PPP2R3C: variants seen among roughly 807,000 people sequenced by gnomAD.
The protein encoded by PPP2R3C is protein phosphatase 2 regulatory subunit B''gamma.
In PPP2R3C, 47 loss-of-function variants were observed where a neutral mutation model predicts 63.7. The ratio of observed to expected loss-of-function variants is 0.74; its 90% CI spans 0.58 to 0.94. The LOEUF is 0.94. Ranked by LOEUF, PPP2R3C falls within the 40% of genes least tolerant of loss-of-function variation. The pLI is 0.00. For synonymous variants in PPP2R3C, 180 were observed against 177.4 expected, an observed-to-expected ratio of 1.01 and a Z score of -0.12; for missense variants, 421 against 518.4, an observed-to-expected ratio of 0.81 and a Z score of 1.82.
intron 5 of PPP2R3C, chr14:35,107,792 A>G (rs17103047): frequency 0.09 from 33,288 of 370,508 alleles, 1,874 homozygotes; most frequent in African/African-American, 0.2. Context: ...CTTGAAACTG[A>G]TATTACAGCT....
At chr14:35,113,831 C>T (rs977674832) in intron 2 of PPP2R3C, among the ~76,000 whole-genome samples, 6 of 152,112 alleles carry the variant, frequency 3.9e-5, no homozygotes, top group African/African-American at 1.4e-4. Flanking sequence ...ACCTGCATAC[C>T]CTACCTGATC....
At chr14:35,113,068 T>C (rs964378497) in intron 2 of PPP2R3C, 3 of 152,292 alleles carry the variant, frequency 2.0e-5, no homozygotes, top group African/African-American at 7.2e-5. Flanking sequence ...CAGGATCTCT[T>C]GAAGGCTGTG....
chr14:35,121,632 G>A (rs553797407), intron 1 of PPP2R3C, among the ~76,000 whole-genome samples: 3 of 152,316 alleles, frequency 2.0e-5, no homozygotes, highest in East Asian at 1.9e-4. Context: ...TGTTGGAGCC[G>A]GGGTTCCAAG....
chr14:35,101,660 G>A (rs559382379), intron 6 of PPP2R3C: 113 of 152,254 alleles, frequency 7.4e-4, no homozygotes, highest in African/African-American at 2.7e-3. Context: ...GGGAAAAATG[G>A]CAACTTAGTG....
At chr14:35,091,234 A>T in intron 10 of PPP2R3C, 27 bp from the exon 11 acceptor site, 3 of 1,562,096 alleles carry the variant, frequency 1.9e-6, no homozygotes, top group Non-Finnish European at 2.6e-6. Context: ...AATGTTCATT[A>T]GAGGCCTTAG....
At position 35,116,665 on chromosome 14, in the gene PPP2R3C, C is replaced by G; in HGVS notation, c.131G>C (p.Gly44Ala). 2.5e-6 allele frequency: 4 copies of G among 1,600,724 alleles called. No individual in the cohort carries two copies. The highest frequency in any genetic ancestry group is 3.4e-6 in the Non-Finnish European group (4 of 1,170,458). ...LFTKYYSEWK[G>A]GRKNTNEFYK... ...GAATTCATTTGTGTTTTTTCTACCT[C>G]CTTTCCATTCGGAGTAATATTTTGT... is the stretch of plus-strand genomic sequence containing the variant. The change falls in exon 2 of 13, where the codon GGA becomes GCA. Residue 44 changes from glycine to alanine, a missense_variant. Gly to Ala is a moderately conservative substitution (Grantham distance 60). Transcript: ENST00000261475.
chr14:35,095,277 T>C, intron 9 of PPP2R3C, 93 bp from the exon 10 acceptor site: 2 of 1,294,544 alleles, frequency 1.5e-6, no homozygotes, highest in Admixed American at 2.2e-5. Flanking sequence ...GGTTAATATT[T>C]TGATTTTCAA....
chr14:35,103,999 A>G (rs1308943025), intron 6 of PPP2R3C, among the ~76,000 whole-genome samples: 4 of 152,282 alleles, frequency 2.6e-5, no homozygotes, highest in African/African-American at 9.6e-5. Flanking sequence ...ATAGAAGTAC[A>G]CTGTTTCTTT....
chr14:35,086,498 C>G (rs1446090726), intron 12 of PPP2R3C: 1 of 125,354 alleles, frequency 8.0e-6, no homozygotes, highest in African/African-American at 3.0e-5. Context: ...TGCGCCCAGC[C>G]TTTTTTTTTT....
At chr14:35,104,471 C>A (rs948287673) in intron 6 of PPP2R3C, among the ~76,000 whole-genome samples, 22 of 152,200 alleles carry the variant, frequency 1.4e-4, no homozygotes, top group Admixed American at 1.2e-3. Flanking sequence ...TATATTCATG[C>A]CCAACTCCCT....
At chr14:35,116,579 T>C in intron 2 of PPP2R3C, 31 bp downstream of exon 2, 1 of 1,489,402 alleles carries the variant, frequency 6.7e-7, no homozygotes, top group Non-Finnish European at 9.0e-7. Flanking sequence ...ATTTTTAAAC[T>C]CTGCAGGACA....
chr14:35,119,497 G>A (rs139132715), intron 1 of PPP2R3C, among the ~76,000 whole-genome samples: 270 of 151,962 alleles, frequency 1.8e-3, no homozygotes, highest in African/African-American at 6.2e-3. Flanking sequence ...ACAACCACCC[G>A]GGCTAATTTT....
chr14:35,111,102 G>GC (rs943941515), intron 2 of PPP2R3C, among the ~76,000 whole-genome samples: 9 of 152,036 alleles, frequency 5.9e-5, no homozygotes, highest in Non-Finnish European at 1.3e-4. Context: ...GGGCATGGTG[G>GC]CATGTGCCTG....
chr14:35,097,946 A>G (rs1381909373), intron 7 of PPP2R3C, among the ~76,000 whole-genome samples: 2 of 152,092 alleles, frequency 1.3e-5, no homozygotes, highest in Non-Finnish European at 2.9e-5. Context: ...TTAAATATGT[A>G]ACCTAGCAAA....
chr14:35,088,779 C>T (rs1050941603), intron 11 of PPP2R3C, among the ~76,000 whole-genome samples: 9 of 152,170 alleles, frequency 5.9e-5, no homozygotes, highest in Non-Finnish European at 1.2e-4. Flanking sequence ...GATGTCCAAA[C>T]GCTCTGTGAA....
chr14:35,098,310 G>GCT (rs2046067000), intron 7 of PPP2R3C, among the ~76,000 whole-genome samples: 1 of 148,312 alleles, frequency 6.7e-6, no homozygotes, highest in Admixed American at 6.8e-5. Flanking sequence ...TTCCCAAGTA[G>GCT]CTGGGACTAC....
chr14:35,116,323 C>G (rs995357813), intron 2 of PPP2R3C, among the ~76,000 whole-genome samples: 1 of 152,202 alleles, frequency 6.6e-6, no homozygotes, highest in East Asian at 1.9e-4. Context: ...ACAATCACGG[C>G]TCACTGCTGC....
At chr14:35,095,292 T>G in intron 9 of PPP2R3C, 108 bp from the exon 10 acceptor site, 2 of 1,129,698 alleles carry the variant, frequency 1.8e-6, no homozygotes. Context: ...TTTCAAACTA[T>G]TCATGTTATG....
intron 3 of PPP2R3C, 142 bp from the exon 4 acceptor site, chr14:35,110,073 T>G: frequency 1.7e-6 from 1 of 595,818 alleles, no homozygotes; most frequent in African/African-American, 1.9e-5. Context: ...TATTATCCTT[T>G]TGATTACTAA....
Sources: allele counts gnomAD v4.1 joint callset (sites outside exome capture counted in the v4.1 genomes callset), GRCh38; gene constraint gnomAD v4.1.1; transcripts MANE v1.5; gene names NCBI Gene and HGNC (gene_info 2026-07-23, HGNC 2026-07-21).